The following DPP9 variants were observed in gnomAD, a reference collection of about 807,000 sequenced individuals.
DPP9 encodes dipeptidyl peptidase IV-related protein-2.
In DPP9, 50 loss-of-function variants were observed where a neutral mutation model predicts 110.7. That is an observed-to-expected ratio of 0.45 (90% CI 0.36 to 0.57). DPP9 has a LOEUF of 0.57. Among genes scored for constraint, DPP9 ranks in the 20% least tolerant of loss-of-function variants. The pLI is 0.00. For missense variants in DPP9, 1,022 were observed against 1,217.9 expected, an observed-to-expected ratio of 0.84 and a Z score of 2.39; for synonymous variants, 561 against 514.4, an observed-to-expected ratio of 1.09 and a Z score of -1.23.
chr19:4,694,636 A>T lies in DPP9; in HGVS notation c.1516+25T>A. The stretch of plus-strand genomic sequence containing the variant: ...CACACGTGACTAACGCGATGAGTCG[A>T]CAGCATTCGTCAGGCTCTGCTCACC... On this transcript the variant is annotated intron_variant, in intron 13 of 21. Coordinates refer to ENST00000262960, the MANE Select transcript of DPP9 (RefSeq NM_139159.5). This position sits in a 1 kb window ranked among gnomAD's most constrained non-coding sequence, Gnocchi z 4.0. 6.2e-7 allele frequency: 1 copy of T among 1,603,572 alleles called. No homozygotes were observed.
At chr19:4,713,442 T>G (rs553360951) in intron 4 of DPP9, among the ~76,000 whole-genome samples, 4 of 152,288 alleles carry the variant, frequency 2.6e-5, no homozygotes, top group African/African-American at 9.6e-5. Flanking sequence ...CCCAGTCCCG[T>G]GAGGCACTGC....
In DPP9 at chr19:4,688,836, G is replaced by A. The variant is rs1393646850; in HGVS notation, c.1806C>T (p.His602=). 6.0e-6 allele frequency: 9 copies of A among 1,510,132 alleles called. No individual in the cohort carries two copies. In the Admixed American group the frequency reaches 1.1e-4, roughly 18 times the overall value. 93.5% of individuals were successfully genotyped at this position (1,510,132 alleles called of 1,614,324 possible). Reference sequence around the variant, plus strand: ...CGTCGGGGCCGCTCAGCTTGTAGACGTGCACGCAGGGCGGCGTGCTCACGC... The same window carrying A: ...CGTCGGGGCCGCTCAGCTTGTAGACATGCACGCAGGGCGGCGTGCTCACGC... ...YSSVSTPPCV[H]VYKLSGPDDD... is the part of the protein sequence containing the mutation. Residue 602 remains histidine (H), a synonymous_variant, in exon 16 of 22, where the codon CAC becomes CAT. Coordinates refer to ENST00000262960, the MANE Select transcript of DPP9 (RefSeq NM_139159.5).
rs754019888 is a variant in DPP9 at position 4,702,047 on chromosome 19, G to A, written c.992C>T (p.Ser331Leu). The change falls in exon 9 of 22, where the codon TCG becomes TTG. Residue 331 changes from serine to leucine, a missense_variant. Physicochemically the swap from Ser to Leu is moderately radical, Grantham distance 145. Around this residue, in one of 3 missense-constraint regions of DPP9, gnomAD observed 810 missense variants for 920.6 expected, o/e 0.88. Transcript: ENST00000262960. ...SPALEERKTD[S>L]YRYPRTGSKN... ...CTCACCTGTCCTGGGGTACCGATACGAGTCCGTCTTCCTTTCTTCTAGCGC... is the reference window on the plus strand; with the variant it reads ...CTCACCTGTCCTGGGGTACCGATACAAGTCCGTCTTCCTTTCTTCTAGCGC... 1.6e-5 allele frequency: 26 copies of A among 1,613,868 alleles called. No homozygotes were observed. Among genetic ancestry groups the A allele is most frequent in the Admixed American group, 3.3e-5 (2 of 60,008 alleles).
At chr19:4,702,807 G>A (rs1482684047) in intron 7 of DPP9, 91 bp from the exon 8 acceptor site, 2 of 405,420 alleles carry the variant, frequency 4.9e-6, no homozygotes, top group Non-Finnish European at 8.7e-6. Flanking sequence ...TGAGAGAGAG[G>A]GAGAGAGAAG....
At chr19:4,711,138 C>T (rs1049254039) in intron 4 of DPP9, among the ~76,000 whole-genome samples, 2 of 152,142 alleles carry the variant, frequency 1.3e-5, no homozygotes, top group African/African-American at 4.8e-5. Flanking sequence ...GACCCAGGCA[C>T]GGACAGATGC....
At chr19:4,677,177 A>G (rs1418102578) in intron 21 of DPP9, among the ~76,000 whole-genome samples, 1 of 152,128 alleles carries the variant, frequency 6.6e-6, no homozygotes, top group Non-Finnish European at 1.5e-5. Flanking sequence ...GGCAGGCAGT[A>G]ACATGGAACT....
chr19:4,686,842 G>A (rs1285811157), intron 16 of DPP9, among the ~76,000 whole-genome samples: 2 of 152,216 alleles, frequency 1.3e-5, no homozygotes, highest in African/African-American at 4.8e-5. Context: ...TTGGGCTCTG[G>A]GAATTGGGCG....
chr19:4,716,309 A>G (rs2093071379), intron 3 of DPP9, among the ~76,000 whole-genome samples: 1 of 152,122 alleles, frequency 6.6e-6, no homozygotes, highest in Non-Finnish European at 1.5e-5. Flanking sequence ...GGAAGGGGAG[A>G]AAGAGCTGCA....
chr19:4,699,172 A>T (rs1473342523), intron 10 of DPP9, among the ~76,000 whole-genome samples: 1 of 151,326 alleles, frequency 6.6e-6, no homozygotes, highest in Non-Finnish European at 1.5e-5. Context: ...AAAAAAAAAA[A>T]AAAAAAAAAA....
Position 4,683,627 on chromosome 19 carries a change from G to A in DPP9, c.2181C>T (p.Gly727=). The A allele has an allele frequency of 1.9e-6, 3 of 1,613,370 alleles. No homozygotes were observed. The highest frequency in any genetic ancestry group is 2.5e-6 in the Non-Finnish European group (3 of 1,179,852). Residue 727 remains glycine, a splice_region_variant and synonymous_variant, in exon 19 of 22, where the codon GGC becomes GGT. Transcript: ENST00000262960. ...RFEGALKNQM[G]QVEIEDQVEG... Reference sequence around the variant, plus strand: ...CCACCTGGTCCTCGATCTCCACCTGGCCCTGAGGGATGAAGCCGGGCACCT... The same window carrying A: ...CCACCTGGTCCTCGATCTCCACCTGACCCTGAGGGATGAAGCCGGGCACCT...
chr19:4,704,114 C>T lies in DPP9; in HGVS notation c.600+17G>A, dbSNP rs1344183357. The T allele has an allele frequency of 6.2e-7, 1 of 1,613,762 alleles. No individual in the cohort carries two copies. The highest frequency in any genetic ancestry group is 8.5e-7 in the Non-Finnish European group (1 of 1,179,800). On this transcript the variant is annotated intron_variant, in intron 6 of 21. Transcript: ENST00000262960. The surrounding 1 kb of genome is among the most constrained non-coding windows in gnomAD (Gnocchi z 6.0). ...CCCTCCACGCCACCCCCGCACACAG[C>T]CAGGGCCAGGGCTCACCATGAAGCC...
Position 4,698,009 on chromosome 19 carries a change from A to G in DPP9, c.1075-358T>C, listed in dbSNP as rs1031143229. Reference sequence around the variant, plus strand: ...TGCTAGCAGCTTGGTGTTGGACATTATCAATTTCGGCCGTGTAAGCCTCCC... The same window carrying G: ...TGCTAGCAGCTTGGTGTTGGACATTGTCAATTTCGGCCGTGTAAGCCTCCC... On this transcript the variant is annotated intron_variant, in intron 10 of 21. Coordinates refer to ENST00000262960, the MANE Select transcript of DPP9 (RefSeq NM_139159.5). This position sits in a 1 kb window ranked among gnomAD's most constrained non-coding sequence, Gnocchi z 4.2. 2.0e-5 allele frequency among the ~76,000 whole-genome samples: 3 copies of G among 151,994 alleles called. No individual in the cohort carries two copies. Among genetic ancestry groups the G allele is most frequent in the African/African-American group, 4.8e-5 (2 of 41,404 alleles).
In DPP9 at chr19:4,695,298, C is replaced by T; in HGVS notation, c.1353+80G>A. ...GCAAACACCACCTGCCATTGGCGCT[C>T]AGCCTTCTAGGACGTGGGGGTGGGG... On this transcript the variant is annotated intron_variant, in intron 12 of 21. Coordinates refer to ENST00000262960, the MANE Select transcript of DPP9 (RefSeq NM_139159.5). This position sits in a 1 kb window ranked among gnomAD's most constrained non-coding sequence, Gnocchi z 4.7. The T allele has an allele frequency of 1.4e-6, 2 of 1,420,054 alleles. No individual in the cohort carries two copies. The highest frequency in any genetic ancestry group is 1.9e-6 in the Non-Finnish European group (2 of 1,069,382). 88.0% of individuals were successfully genotyped at this position (1,420,054 alleles called of 1,614,324 possible).
intron 18 of DPP9, 73 bp from the exon 19 acceptor site, chr19:4,683,702 T>C (rs1434429278): frequency 1.9e-6 from 3 of 1,612,378 alleles, no homozygotes; most frequent in African/African-American, 2.7e-5. Context: ...ACACCTCTGC[T>C]CCTTTCAGGG....
intron 20 of DPP9, among the ~76,000 whole-genome samples, chr19:4,681,756 G>A (rs758805998): frequency 7.3e-5 from 11 of 151,362 alleles, no homozygotes; most frequent in South Asian, 4.2e-4. Context: ...TTGTAGAGAC[G>A]GGGTTTCACC....
intron 20 of DPP9, among the ~76,000 whole-genome samples, chr19:4,680,215 G>A (rs1219093724): frequency 2.8e-5 from 4 of 142,530 alleles, no homozygotes; most frequent in Admixed American, 7.3e-5. Flanking sequence ...CAGCCTGGGC[G>A]ACAGATGGAG....
rs184234721 is a variant in DPP9, at chr19:4,709,994, G to A, written c.314-4024C>T. Among the ~76,000 whole-genome samples the A allele has an allele frequency of 1.8e-4, 27 of 152,298 alleles. No homozygotes were observed. In the East Asian group the frequency reaches 2.7e-3, roughly 15 times the overall value. On this transcript the variant is annotated intron_variant, in intron 4 of 21. Transcript: ENST00000262960. ...AATGGCCCCTGCCAGCACATTCCTCGGGCGAGCTGCTGCTGGCACTATGAT... is the reference window on the plus strand; with the variant it reads ...AATGGCCCCTGCCAGCACATTCCTCAGGCGAGCTGCTGCTGGCACTATGAT...
At position 4,702,172 on chromosome 19, in the gene DPP9, G is replaced by A. The variant is rs1448505083; in HGVS notation, c.884-17C>T. On this transcript the variant is annotated splice_polypyrimidine_tract_variant and intron_variant, in intron 8 of 21. Coordinates refer to ENST00000262960, the MANE Select transcript of DPP9 (RefSeq NM_139159.5). ...CCTCTGAACCTTGGGTGGGGTGGTG[G>A]AAAAACTGCTGAGGGTGCCAGAGGC... The A allele has an allele frequency of 6.2e-7, 1 of 1,601,000 alleles. No individual in the cohort carries two copies. Among genetic ancestry groups the A allele is most frequent in the Non-Finnish European group, 8.5e-7 (1 of 1,172,068 alleles).
chr19:4,703,943 G>A lies in DPP9; in HGVS notation c.712C>T (p.Leu238=), dbSNP rs1004481636. ...CCTGTCTCGATGTTGGCCACCCACA[G>A]GTCGCTGTTATTGATGAAGGAGAAG... ...AFFSFINNSD[L]WVANIETGEE... Residue 238 remains leucine, a synonymous_variant, in exon 7 of 22, where the codon CTG becomes TTG. Coordinates refer to ENST00000262960, the MANE Select transcript of DPP9 (RefSeq NM_139159.5). 1.1e-5 allele frequency: 17 copies of A among 1,613,532 alleles called. No individual in the cohort carries two copies. The highest frequency in any genetic ancestry group is 1.7e-5 in the Admixed American group (1 of 59,924).
Sources: allele counts gnomAD v4.1 joint callset (sites outside exome capture counted in the v4.1 genomes callset), GRCh38; gene constraint gnomAD v4.1.1; regional missense constraint gnomAD v4.1.1; non-coding constraint Gnocchi (gnomAD v3.1); transcripts MANE v1.5; gene names NCBI Gene and HGNC (gene_info 2026-07-23, HGNC 2026-07-21).